Variants in CDH13 observed in about 807,000 individuals in gnomAD.
CDH13 encodes the protein cadherin-13.
A neutral mutation model predicts 63.8 loss-of-function variants in CDH13; 24 were observed. That is an observed-to-expected ratio of 0.38 (90% CI 0.27 to 0.53). The LOEUF is 0.53. CDH13 is among the 20% of genes least tolerant of loss of function. The pLI is 0.85. For synonymous variants in CDH13, 503 were observed against 355.3 expected (o/e 1.42, Z -4.67); for missense variants, 1,049 against 903.1 (o/e 1.16, Z -2.07).
In CDH13 at chr16:83,237,109, A is replaced by G. The variant is rs74034442; in HGVS notation, c.636+19612A>G. On this transcript the variant is annotated intron_variant, in intron 5 of 13. Transcript: ENST00000567109. ...GTTCCGCCACATTCTTCAGGGTGGC[A>G]TGGGCAGCTTTTATGTAGATGAAAA... is the stretch of plus-strand genomic sequence containing the variant. 4.8e-3 allele frequency among the ~76,000 whole-genome samples: 727 copies of G among 152,284 alleles called. 2 individuals are homozygous for G. Among genetic ancestry groups the G allele is most frequent in the African/African-American group, 0.017 (690 of 41,566 alleles).
At chr16:83,099,533 A>G (rs921941476) in intron 3 of CDH13, among the ~76,000 whole-genome samples, 1 of 151,562 alleles carries the variant, frequency 6.6e-6, no homozygotes, top group Non-Finnish European at 1.5e-5. Flanking sequence ...CATGTTGGCC[A>G]GGCTGGTCTC....
intron 5 of CDH13, among the ~76,000 whole-genome samples, chr16:83,307,514 G>A (rs922042574): frequency 6.6e-5 from 10 of 152,042 alleles, no homozygotes; most frequent in Admixed American, 2.0e-4. Flanking sequence ...ACATTTTAAG[G>A]CAATTTTACT....
intron 6 of CDH13, among the ~76,000 whole-genome samples, chr16:83,474,632 G>A (rs9935410): frequency 0.025 from 3,812 of 152,254 alleles, 162 homozygotes; most frequent in African/African-American, 0.086. Flanking sequence ...CATTAAAAAG[G>A]AGGATGTAGC....
At chr16:83,376,788 G>A (rs1418051115) in intron 6 of CDH13, among the ~76,000 whole-genome samples, 2 of 152,068 alleles carry the variant, frequency 1.3e-5, no homozygotes, top group Non-Finnish European at 2.9e-5. Context: ...AGGTGAGGAG[G>A]GGACATTGAT....
intron 5 of CDH13, among the ~76,000 whole-genome samples, chr16:83,297,644 A>T (rs1375776600): frequency 6.6e-6 from 1 of 152,142 alleles, no homozygotes; most frequent in Non-Finnish European, 1.5e-5. Flanking sequence ...AGAGTCCTTG[A>T]TATATGGAAA....
intron 7 of CDH13, among the ~76,000 whole-genome samples, chr16:83,499,956 C>T (rs1314028424): frequency 6.6e-6 from 1 of 152,156 alleles, no homozygotes; most frequent in Non-Finnish European, 1.5e-5. Flanking sequence ...GCGCCTGCCA[C>T]CACGCGCAGC....
chr16:83,279,294 C>A (rs76404298), intron 5 of CDH13, among the ~76,000 whole-genome samples: 3,986 of 152,024 alleles, frequency 0.026, 159 homozygotes, highest in African/African-American at 0.089. Context: ...ATATTTCATC[C>A]CCGAGGATTT....
intron 6 of CDH13, among the ~76,000 whole-genome samples, chr16:83,359,155 A>T (rs1220241172): frequency 6.6e-6 from 1 of 152,146 alleles, no homozygotes; most frequent in African/African-American, 2.4e-5. Flanking sequence ...AGATCAATGT[A>T]TTCTGACAAG....
chr16:82,660,421 C>T (rs1232984978), intron 1 of CDH13, among the ~76,000 whole-genome samples: 4 of 149,440 alleles, frequency 2.7e-5, no homozygotes, highest in African/African-American at 1.0e-4. Flanking sequence ...CCACTATGGG[C>T]GTTCCTGTGC....
At chr16:82,748,062 G>A (rs1309620678) in intron 1 of CDH13, among the ~76,000 whole-genome samples, 2 of 152,056 alleles carry the variant, frequency 1.3e-5, no homozygotes, top group Non-Finnish European at 2.9e-5. Context: ...CCTTCCGTGG[G>A]TCCAGAACTT....
intron 1 of CDH13, among the ~76,000 whole-genome samples, chr16:82,758,966 C>G (rs946340708): frequency 3.9e-5 from 6 of 152,190 alleles, no homozygotes; most frequent in Non-Finnish European, 8.8e-5. Context: ...TTTGGTCCAC[C>G]TAAGTTCACC....
chr16:82,811,176 G>T (rs996327333), intron 1 of CDH13, among the ~76,000 whole-genome samples: 4 of 152,168 alleles, frequency 2.6e-5, no homozygotes, highest in Admixed American at 1.3e-4. Flanking sequence ...TGTCAAAGCT[G>T]ATTACGCGAA....
intron 1 of CDH13, among the ~76,000 whole-genome samples, chr16:82,668,137 A>G (rs1283323094): frequency 1.3e-5 from 2 of 152,076 alleles, no homozygotes; most frequent in Admixed American, 1.3e-4. Flanking sequence ...TGAGTTTACA[A>G]AGACTTGCAG....
chr16:83,157,253 C>G (rs1392435319), intron 4 of CDH13, among the ~76,000 whole-genome samples: 2 of 151,732 alleles, frequency 1.3e-5, no homozygotes, highest in Non-Finnish European at 2.9e-5. Context: ...GGTGAGATGA[C>G]TACAGGTAAC....
At chr16:83,754,007 T>G (rs1200807223) in intron 11 of CDH13, among the ~76,000 whole-genome samples, 1 of 151,800 alleles carries the variant, frequency 6.6e-6, no homozygotes, top group Non-Finnish European at 1.5e-5. Flanking sequence ...GCTTGGCCCA[T>G]GCAGAGAGCC....
At chr16:83,413,983 G>C (rs1182650329) in intron 6 of CDH13, among the ~76,000 whole-genome samples, 1 of 151,006 alleles carries the variant, frequency 6.6e-6, no homozygotes, top group Non-Finnish European at 1.5e-5. Flanking sequence ...AATAGAGCGA[G>C]ACTCCATCTC....
rs570104895 is a variant in CDH13, at chr16:83,186,739, G to C, written c.484-30606G>C. Reference sequence around the variant, plus strand: ...CATCGGATGAGCTCATTGTAACTTAGGAAAATCAAAAGCTTGACTTGAAAG... The same window carrying C: ...CATCGGATGAGCTCATTGTAACTTACGAAAATCAAAAGCTTGACTTGAAAG... On this transcript the variant is annotated intron_variant, in intron 4 of 13. Transcript: ENST00000567109. Among the ~76,000 whole-genome samples, 6 of 152,154 alleles carry C rather than the reference G, an allele frequency of 3.9e-5. No homozygotes were observed. The South Asian group carries it at 1.0e-3, about 26-fold the overall frequency.
intron 10 of CDH13, chr16:83,735,669 AGAACCCTACATCTTTT>A (rs1225058720): frequency 1.3e-5 from 2 of 152,200 alleles, no homozygotes; most frequent in Non-Finnish European, 2.9e-5. Flanking sequence ...GTATCCTCGT[AGAACCCTACATCTTTT>A]GTGAGATTGA....
intron 1 of CDH13, among the ~76,000 whole-genome samples, chr16:82,799,097 T>C (rs2036727454): frequency 6.6e-6 from 1 of 152,158 alleles, no homozygotes; most frequent in Non-Finnish European, 1.5e-5. Flanking sequence ...TAGATAAACA[T>C]GAAGATACTG....
Sources: gnomAD v4.1 joint callset for allele counts (sites outside exome capture counted in the v4.1 genomes callset) on GRCh38, gnomAD v4.1.1 for gene constraint, MANE v1.5 for transcripts, NCBI Gene and HGNC (gene_info 2026-07-23, HGNC 2026-07-21) for gene names.